The following SHPRH variants were observed in gnomAD, a reference collection of about 807,000 sequenced individuals.
SHPRH encodes E3 ubiquitin-protein ligase SHPRH.
SHPRH carries 106 observed loss-of-function variants against 202.5 expected under a neutral mutation model. That is an observed-to-expected ratio of 0.52 (90% CI 0.45 to 0.62). SHPRH has a LOEUF of 0.62. SHPRH is among the 20% of genes least tolerant of loss of function. The probability of loss-of-function intolerance (pLI) is 0.00; values close to 1 mark genes in which losing one functional copy is unlikely to be tolerated. For missense variants in SHPRH, 1,710 were observed against 2,020.0 expected, an observed-to-expected ratio of 0.85 and a Z score of 2.94; for synonymous variants, 729 against 686.0, an observed-to-expected ratio of 1.06 and a Z score of -0.98.
chr6:145,946,262 A>T lies in SHPRH; in HGVS notation c.1292T>A (p.Phe431Tyr), dbSNP rs766788850. The part of the protein sequence containing the change: ...LKKTEIQNIE[F>Y]EPKEKVQCPP... Reference sequence around the variant, plus strand: ...GCATTGAACTTTTTCTTTTGGTTCAAATTCGATATTCTGGATTTCTGTCTT... The same window carrying T: ...GCATTGAACTTTTTCTTTTGGTTCATATTCGATATTCTGGATTTCTGTCTT... Residue 431 changes from phenylalanine (F) to tyrosine (Y), a missense_variant, in exon 7 of 30, where the codon TTT (phenylalanine) becomes TAT (tyrosine). Phe to Tyr is a conservative substitution (Grantham distance 22). This residue lies in a region of SHPRH where 348 missense variants were observed against 356.9 expected (regional missense o/e 0.97). Coordinates refer to ENST00000275233, the MANE Select transcript of SHPRH (RefSeq NM_001042683.3). 2.2e-5 allele frequency: 35 copies of T among 1,609,120 alleles called. No individual in the cohort carries two copies. Among genetic ancestry groups the T allele is most frequent in the Non-Finnish European group, 2.9e-5 (34 of 1,177,670 alleles).
chr6:145,919,185 T>C (rs1784209911), intron 22 of SHPRH, 163 bp downstream of exon 22: 1 of 946,108 alleles, frequency 1.1e-6, no homozygotes, highest in Non-Finnish European at 1.5e-6. Context: ...TCTTTGACCA[T>C]TTTTGGTCTA....
Position 145,926,217 on chromosome 6 carries a change from C to A in SHPRH, c.3281G>T (p.Arg1094Leu), listed in dbSNP as rs770118741. ...AAAAATAATTACCTCTTCCTCAAGT[C>A]GGCCATCACGCAAGGTAGGTGGTAT... Reference protein sequence around the residue: ...PGIPPTLRDGRLEEEAKQLRE... With the variant: ...PGIPPTLRDGLLEEEAKQLRE... The change falls in exon 16 of 30, where the codon CGA becomes CTA. Residue 1094 changes from arginine (R) to leucine (L), a missense_variant. Physicochemically the swap from Arg to Leu is moderately radical, Grantham distance 102. Around this residue, in one of 8 missense-constraint regions of SHPRH, gnomAD observed 288 missense variants for 317.8 expected, o/e 0.91. Coordinates refer to ENST00000275233, the MANE Select transcript of SHPRH (RefSeq NM_001042683.3). 2 of 1,612,710 alleles carry A rather than the reference C, an allele frequency of 1.2e-6. No homozygotes were observed. Among genetic ancestry groups the A allele is most frequent in the South Asian group, 1.1e-5 (1 of 91,030 alleles).
At position 145,888,091 on chromosome 6, in the gene SHPRH, A is replaced by C. The variant is rs759420019; in HGVS notation, c.4884T>G (p.Ile1628Met). Residue 1628 changes from isoleucine (I) to methionine (M), a missense_variant, in exon 29 of 30, where the codon ATT (isoleucine) becomes ATG (methionine). Physicochemically the swap from Ile to Met is conservative, Grantham distance 10. Around this residue, in one of 8 missense-constraint regions of SHPRH, gnomAD observed 306 missense variants for 479.5 expected, o/e 0.64. Transcript: ENST00000275233. ...TTGCTTTAATTAAGAATCTGTGTAC[A>C]ATAGTAGGTCTAAAAGGTACAGAAG... ...VHRIGQTKPT[I>M]VHRFLIKATI... The C allele has an allele frequency of 6.2e-7, 1 of 1,609,622 alleles. No individual in the cohort carries two copies.
rs774973192 is a variant in SHPRH, at chr6:145,954,983, C to A, written c.340G>T (p.Ala114Ser). 1 of 1,613,768 alleles carries A rather than the reference C, an allele frequency of 6.2e-7. No homozygotes were observed. Among genetic ancestry groups the A allele is most frequent in the Non-Finnish European group, 8.5e-7 (1 of 1,179,898 alleles). Reference protein sequence around the residue: ...SPYHFDNSWKAFLGELTLQLL... With the variant: ...SPYHFDNSWKSFLGELTLQLL... ...TGAAGAGTTAATTCTCCTAGAAATG[C>A]TTTCCAGGAATTATCAAAATGATAG... The change falls in exon 2 of 30, where the codon GCA becomes TCA. Residue 114 changes from alanine to serine, a missense_variant. Ala to Ser is a moderately conservative substitution (Grantham distance 99, BLOSUM62 1). This residue lies in a region of SHPRH where 459 missense variants were observed against 426.5 expected (regional missense o/e 1.08). Transcript: ENST00000275233.
chr6:145,859,342 G>A (rs1779511302), downstream of SHPRH, among the ~76,000 whole-genome samples: 1 of 151,930 alleles, frequency 6.6e-6, no homozygotes, highest in Admixed American at 6.5e-5. Context: ...CTGTTCAAAT[G>A]TTCAAATGAT....
intron 25 of SHPRH, chr6:145,907,279 A>C (rs562549383): frequency 5.4e-4 from 82 of 152,184 alleles, no homozygotes; most frequent in African/African-American, 1.9e-3. Flanking sequence ...TTTATTCTAA[A>C]CATGTCTAGA....
chr6:145,869,387 G>A (rs762750588), intron 2 of SHPRH, among the ~76,000 whole-genome samples: 1 of 152,168 alleles, frequency 6.6e-6, no homozygotes, highest in Non-Finnish European at 1.5e-5. Context: ...TTGTGCCTCG[G>A]GTAGTGTAGT....
chr6:145,953,424 T>C (rs1223075563), intron 2 of SHPRH, among the ~76,000 whole-genome samples: 2 of 152,044 alleles, frequency 1.3e-5, no homozygotes, highest in South Asian at 2.1e-4. Flanking sequence ...AACACAGATA[T>C]GTGAGTCATA....
In SHPRH at chr6:145,954,862, T is replaced by A; in HGVS notation, c.461A>T (p.His154Leu). ...ESSNQFLIYV[H>L]SKGEDVEKQK... ...TTTCTCTACATCTTCACCTTTTGAA[T>A]GAACATAAATCAGGAACTGATTGCT... Residue 154 changes from histidine to leucine, a missense_variant, in exon 2 of 30, where the codon CAT becomes CTT. Physicochemically the swap from His to Leu is moderately conservative, Grantham distance 99 (BLOSUM62 -3). This residue lies in a region of SHPRH where 459 missense variants were observed against 426.5 expected (regional missense o/e 1.08). Coordinates refer to ENST00000275233, the MANE Select transcript of SHPRH (RefSeq NM_001042683.3). 1 of 1,613,752 alleles carries A rather than the reference T, an allele frequency of 6.2e-7. No homozygotes were observed. Among genetic ancestry groups the A allele is most frequent in the Non-Finnish European group, 8.5e-7 (1 of 1,179,886 alleles).
intron 1 of SHPRH, among the ~76,000 whole-genome samples, chr6:145,957,574 A>C (rs1458344459): frequency 6.6e-6 from 1 of 152,174 alleles, no homozygotes; most frequent in Non-Finnish European, 1.5e-5. Context: ...ATGACCTATA[A>C]GTGTAAAATA....
At chr6:145,899,270 C>G (rs1357040928) in intron 25 of SHPRH, among the ~76,000 whole-genome samples, 1 of 152,034 alleles carries the variant, frequency 6.6e-6, no homozygotes, top group Non-Finnish European at 1.5e-5. Context: ...GCTAGAGATA[C>G]CACACTCCCT....
chr6:145,878,274 G>C (rs984425648), intron 2 of SHPRH, among the ~76,000 whole-genome samples: 1 of 152,072 alleles, frequency 6.6e-6, no homozygotes. Context: ...CCACATCACA[G>C]TTGTACATTT....
Position 145,924,684 on chromosome 6 carries a change from C to T in SHPRH, c.3402+55G>A, listed in dbSNP as rs1784710984. 10 of 1,540,728 alleles carry T rather than the reference C, an allele frequency of 6.5e-6. No individual in the cohort carries two copies. In the South Asian group the frequency reaches 1.1e-4, roughly 17 times the overall value. On this transcript the variant is annotated intron_variant, in intron 17 of 29. Coordinates refer to ENST00000275233, the MANE Select transcript of SHPRH (RefSeq NM_001042683.3). ...GTTTCTCCCCACCAAAAAACCAAAA[C>T]TCAAAATGATATCTGGAGGCAAATA...
At position 145,940,943 on chromosome 6, in the gene SHPRH, C is replaced by G. The variant is rs759436914; in HGVS notation, c.2491-142G>C. 6 of 764,662 alleles carry G rather than the reference C, an allele frequency of 7.8e-6. No individual in the cohort carries two copies. The Admixed American group carries it at 8.8e-5, about 11-fold the overall frequency. The allele number at this position is 764,662 out of a possible 1,614,324, so 47.4% of individuals were successfully genotyped here. A position where few individuals can be genotyped will look rare whatever the true frequency, so the allele number is the denominator to read the frequency against. On this transcript the variant is annotated intron_variant, in intron 10 of 29. Coordinates refer to ENST00000275233, the MANE Select transcript of SHPRH (RefSeq NM_001042683.3). ...ACCTACTTTTATTTAACAGTTATCA[C>G]ACTCAATGTTGAATGTCATATTCAA...
rs760822540 is a variant in SHPRH, at chr6:145,943,327, T to A, written c.2054A>T (p.His685Leu). 6.2e-6 allele frequency: 10 copies of A among 1,613,782 alleles called. No individual in the cohort carries two copies. Residue 685 changes from histidine (H) to leucine (L), a missense_variant, in exon 9 of 30, where the codon CAT (histidine) becomes CTT (leucine). His to Leu is a moderately conservative substitution (Grantham distance 99). Around this residue, in one of 8 missense-constraint regions of SHPRH, gnomAD observed 277 missense variants for 363.0 expected, o/e 0.76. Coordinates refer to ENST00000275233, the MANE Select transcript of SHPRH (RefSeq NM_001042683.3). ...CTCATCATAATTCACACACTTTGCA[T>A]GTTGCCACAGGTGACACTTCAGGCA... ...VQCLKCHLWQ[H>L]AKCVNYDEKN...
chr6:145,889,495 G>A (rs1300503490), intron 28 of SHPRH, among the ~76,000 whole-genome samples: 1 of 152,076 alleles, frequency 6.6e-6, no homozygotes, highest in Admixed American at 6.5e-5. Flanking sequence ...GAGTGCCAAC[G>A]TGACAAGTGG....
rs1398458048 is a variant in SHPRH, at chr6:145,947,522, C to T, written c.1183G>A (p.Val395Ile). 1.2e-6 allele frequency: 2 copies of T among 1,612,718 alleles called. No individual in the cohort carries two copies. The highest frequency in any genetic ancestry group is 2.7e-5 in the African/African-American group (2 of 74,782). ...GGAAGAGTGAGAGCATCTTGCTTGA[C>T]ATCTTGTCGAGTATGTGTCAGAATC... The part of the protein sequence containing the change: ...ALILTHTRQD[V>I]KQDALTLPEG... Residue 395 changes from valine to isoleucine, a missense_variant, in exon 6 of 30, where the codon GTC becomes ATC. Coordinates refer to ENST00000275233, the MANE Select transcript of SHPRH (RefSeq NM_001042683.3).
In SHPRH at chr6:145,943,640, C is replaced by A. The variant is rs986945792; in HGVS notation, c.1741G>T (p.Val581Phe). 1.9e-6 allele frequency: 3 copies of A among 1,613,762 alleles called. No individual in the cohort carries two copies. The highest frequency in any genetic ancestry group is 2.5e-6 in the Non-Finnish European group (3 of 1,179,840). The change falls in exon 9 of 30, where the codon GTT becomes TTT. Residue 581 changes from valine to phenylalanine, a missense_variant. By Grantham distance (50) the Val-to-Phe change is conservative. Coordinates refer to ENST00000275233, the MANE Select transcript of SHPRH (RefSeq NM_001042683.3). ...RNRSKLRKKL[V>F]PSTKKGKSQP... Reference sequence around the variant, plus strand: ...CTTTTTCCTTTTTTTGTGGATGGAACAAGCTTTTTCCTCAATTTACTGCGA... The same window carrying A: ...CTTTTTCCTTTTTTTGTGGATGGAAAAAGCTTTTTCCTCAATTTACTGCGA...
intron 24 of SHPRH, among the ~76,000 whole-genome samples, chr6:145,912,585 G>A (rs955362078): frequency 3.3e-5 from 5 of 152,054 alleles, no homozygotes; most frequent in African/African-American, 4.8e-5. Flanking sequence ...ACCAGCATTT[G>A]TACAGTACTA....
Sources: gnomAD v4.1 joint callset for allele counts (sites outside exome capture counted in the v4.1 genomes callset) on GRCh38, gnomAD v4.1.1 for gene constraint, gnomAD v4.1.1 regional missense constraint, MANE v1.5 for transcripts, NCBI Gene and HGNC (gene_info 2026-07-23, HGNC 2026-07-21) for gene names.